The following KIZ variants were observed in gnomAD, a reference collection of about 807,000 sequenced individuals.
KIZ encodes kizuna centrosomal protein.
A neutral mutation model predicts 79.6 loss-of-function variants in KIZ; 68 were observed. The observed-to-expected ratio is 0.85, with a 90% CI of 0.70 to 1.05. The LOEUF (loss-of-function observed/expected upper bound fraction) is 1.05. Ranked by LOEUF, KIZ falls within the 50% of genes least tolerant of loss-of-function variation. The pLI is 0.00. For missense variants in KIZ, 797 were observed against 800.4 expected (o/e 1.00, Z 0.05); for synonymous variants, 280 against 281.8 (o/e 0.99, Z 0.06).
intron 6 of KIZ, among the ~76,000 whole-genome samples, chr20:21,179,939 G>T (rs1044614139): frequency 6.6e-5 from 10 of 152,162 alleles, no homozygotes; most frequent in African/African-American, 2.4e-4. Context: ...GTATGATTCA[G>T]TCTTTTTAAA....
At chr20:21,188,381 G>A (rs2034970740) in intron 6 of KIZ, among the ~76,000 whole-genome samples, 1 of 152,304 alleles carries the variant, frequency 6.6e-6, no homozygotes, top group Non-Finnish European at 1.5e-5. Flanking sequence ...CTACATGGTT[G>A]TCTGTTCTTC....
intron 6 of KIZ, among the ~76,000 whole-genome samples, chr20:21,188,676 T>TTTTTTTTATTTA (rs1555882086): frequency 9.2e-5 from 13 of 141,834 alleles, no homozygotes; most frequent in Admixed American, 5.7e-4. Flanking sequence ...TTGCATTTTA[T>TTTTTTTTATTTA]TTTATTTATT....
intron 6 of KIZ, among the ~76,000 whole-genome samples, chr20:21,177,861 C>G (rs768232836): frequency 1.1e-4 from 16 of 151,992 alleles, no homozygotes; most frequent in Non-Finnish European, 1.9e-4. Context: ...TTCTTGATAC[C>G]CTTGTCAAAG....
chr20:21,126,289 C>G (rs891870467), intron 1 of KIZ, 85 bp downstream of exon 1: 8 of 956,770 alleles, frequency 8.4e-6, no homozygotes, highest in African/African-American at 3.4e-5. Context: ...CCCGCTCCCC[C>G]GTCCGAGGTT....
chr20:21,233,896 A>T (rs1600612360), intron 11 of KIZ, among the ~76,000 whole-genome samples: 1 of 152,144 alleles, frequency 6.6e-6, no homozygotes, highest in Non-Finnish European at 1.5e-5. Flanking sequence ...ATTATTTTTA[A>T]TGCCTGAGTT....
chr20:21,144,633 T>TATGTTA (rs1555874167), intron 3 of KIZ, among the ~76,000 whole-genome samples: 1 of 151,214 alleles, frequency 6.6e-6, no homozygotes, highest in Non-Finnish European at 1.5e-5. Context: ...TGAGACAGCA[T>TATGTTA]ATATTACCTT....
chr20:21,135,661 A>G (rs2024937), intron 2 of KIZ, among the ~76,000 whole-genome samples: 90,544 of 152,102 alleles, frequency 0.6, 28,739 homozygotes, highest in South Asian at 0.77. Context: ...GAAATGCTGT[A>G]TAACAGGGAA....
intron 6 of KIZ, among the ~76,000 whole-genome samples, chr20:21,188,736 G>A (rs984408528): frequency 4.0e-5 from 6 of 151,188 alleles, no homozygotes; most frequent in Non-Finnish European, 5.9e-5. Context: ...GTCTTGCCCT[G>A]TCACCCAGGC....
chr20:21,154,383 C>T (rs1259230432), intron 4 of KIZ, among the ~76,000 whole-genome samples: 1 of 152,096 alleles, frequency 6.6e-6, no homozygotes, highest in East Asian at 1.9e-4. Context: ...CTCTTCTTTC[C>T]CCCAGTAAAG....
At chr20:21,175,387 C>G (rs1422082323) in intron 6 of KIZ, among the ~76,000 whole-genome samples, 1 of 152,202 alleles carries the variant, frequency 6.6e-6, no homozygotes, top group Admixed American at 6.5e-5. Context: ...CAGCCATTGT[C>G]ACTTGGTGTA....
chr20:21,152,712 A>G (rs2033179165), intron 4 of KIZ, among the ~76,000 whole-genome samples: 1 of 152,186 alleles, frequency 6.6e-6, no homozygotes, highest in Admixed American at 6.5e-5. Flanking sequence ...GATGTGAAAC[A>G]GTGGTTTTGG....
At chr20:21,173,924 A>C (rs1002919799) in intron 6 of KIZ, among the ~76,000 whole-genome samples, 1 of 152,216 alleles carries the variant, frequency 6.6e-6, no homozygotes, top group African/African-American at 2.4e-5. Context: ...GAAGAACACT[A>C]GAGAGTGAAT....
intron 7 of KIZ, among the ~76,000 whole-genome samples, chr20:21,207,620 G>GC (rs1175473309): frequency 6.6e-6 from 1 of 150,736 alleles, no homozygotes; most frequent in African/African-American, 2.4e-5. Flanking sequence ...CATAGATACA[G>GC]CCCCCCGTAT....
chr20:21,199,687 A>G (rs16982566), intron 6 of KIZ, among the ~76,000 whole-genome samples: 2,224 of 152,282 alleles, frequency 0.015, 48 homozygotes, highest in African/African-American at 0.05. Context: ...GGAACTCCAA[A>G]TCTAAGTGAA....
At chr20:21,192,924 T>C (rs1384758577) in intron 6 of KIZ, among the ~76,000 whole-genome samples, 1 of 152,180 alleles carries the variant, frequency 6.6e-6, no homozygotes, top group African/African-American at 2.4e-5. Context: ...AGTCCTTCTT[T>C]CTGCAGTGTA....
At chr20:21,174,727 A>G (rs2034362847) in intron 6 of KIZ, among the ~76,000 whole-genome samples, 1 of 152,236 alleles carries the variant, frequency 6.6e-6, no homozygotes, top group African/African-American at 2.4e-5. Context: ...ACTAAGTCAC[A>G]TGAAAGCCTT....
chr20:21,162,130 ACAACATAGATGGAAAGG>A lies in KIZ; in HGVS notation c.668_684del (p.Asn223IlefsTer6), dbSNP rs754100363. 2.4e-5 allele frequency: 38 copies of A among 1,611,464 alleles called. No individual in the cohort carries two copies. The Admixed American group carries it at 5.2e-4, about 22-fold the overall frequency. On this transcript the variant is annotated frameshift_variant, in exon 5 of 13. Coordinates refer to ENST00000619189, the MANE Select transcript of KIZ (RefSeq NM_018474.6). LOFTEE classifies it high-confidence loss of function. ...GACACACAGTGCTTAAATAAGTCTGACAACATAGATGGAAAGGCATCTCTTCAGATTGGTGAGAAAAT... is the reference window on the plus strand; with the variant it reads ...GACACACAGTGCTTAAATAAGTCTGACATCTCTTCAGATTGGTGAGAAAAT...
chr20:21,170,937 T>C (rs2034178599), intron 6 of KIZ, among the ~76,000 whole-genome samples: 1 of 152,252 alleles, frequency 6.6e-6, no homozygotes, highest in Admixed American at 6.5e-5. Context: ...ATCTATGTTG[T>C]TGTAAATGAC....
intron 6 of KIZ, among the ~76,000 whole-genome samples, chr20:21,177,224 G>C (rs544019182): frequency 6.6e-6 from 1 of 152,130 alleles, no homozygotes; most frequent in Non-Finnish European, 1.5e-5. Context: ...TAGAGTTCCA[G>C]TTTCTCTACA....
Sources: allele counts gnomAD v4.1 joint callset (sites outside exome capture counted in the v4.1 genomes callset), GRCh38; gene constraint gnomAD v4.1.1; transcripts MANE v1.5; gene names NCBI Gene and HGNC (gene_info 2026-07-23, HGNC 2026-07-21).